The following CNTN6 variants were observed in gnomAD, a reference collection of about 807,000 sequenced individuals.
CNTN6 encodes the protein contactin-6.
Under a neutral mutation model 122.8 loss-of-function variants are expected in CNTN6, and 137 were observed. That is an observed-to-expected ratio of 1.12 (90% CI 0.97 to 1.29). The LOEUF is 1.29. Ranked by LOEUF, CNTN6 falls within the 50% of genes most tolerant of loss-of-function variation. CNTN6 has a pLI of 0.00. For synonymous variants in CNTN6, 570 were observed against 426.0 expected, an observed-to-expected ratio of 1.34 and a Z score of -4.16; for missense variants, 1,634 against 1,223.4, an observed-to-expected ratio of 1.34 and a Z score of -5.01.
At chr3:1,315,647 C>G (rs1425849781) in intron 7 of CNTN6, among the ~76,000 whole-genome samples, 1 of 151,964 alleles carries the variant, frequency 6.6e-6, no homozygotes, top group South Asian at 2.1e-4. Flanking sequence ...TATACCATTT[C>G]CTTCAGTTTG....
At chr3:1,259,214 T>C (rs1164347042) in intron 4 of CNTN6, among the ~76,000 whole-genome samples, 1 of 152,098 alleles carries the variant, frequency 6.6e-6, no homozygotes, top group African/African-American at 2.4e-5. Context: ...AACTAAAGTG[T>C]GGGTACTATT....
At chr3:1,332,896 A>T (rs989474803) in intron 11 of CNTN6, among the ~76,000 whole-genome samples, 11 of 152,138 alleles carry the variant, frequency 7.2e-5, no homozygotes, top group Admixed American at 4.6e-4. Flanking sequence ...AAGAGTATTG[A>T]CAGAACAGAT....
chr3:1,095,437 CT>C (rs1261917581), intron 1 of CNTN6, among the ~76,000 whole-genome samples: 2 of 152,158 alleles, frequency 1.3e-5, no homozygotes, highest in Admixed American at 1.3e-4. Flanking sequence ...CGCCATTGCC[CT>C]CCAGCCTGGG....
intron 2 of CNTN6, among the ~76,000 whole-genome samples, chr3:1,158,682 C>A (rs1475671174): frequency 1.3e-5 from 2 of 150,514 alleles, no homozygotes; most frequent in East Asian, 3.9e-4. Context: ...GAACTATCTT[C>A]CCACCTCCAC....
chr3:1,151,506 G>C (rs2092841928), intron 2 of CNTN6, among the ~76,000 whole-genome samples: 1 of 152,052 alleles, frequency 6.6e-6, no homozygotes, highest in Non-Finnish European at 1.5e-5. Flanking sequence ...AATTTCATCT[G>C]GTTTATGCTT....
chr3:1,104,438 C>T (rs1185058983), intron 1 of CNTN6, among the ~76,000 whole-genome samples: 1 of 152,076 alleles, frequency 6.6e-6, no homozygotes, highest in Non-Finnish European at 1.5e-5. Context: ...ATTTCCTAAT[C>T]ACAGACCCAA....
At chr3:1,213,255 A>G (rs1196458255) in intron 2 of CNTN6, among the ~76,000 whole-genome samples, 2 of 152,216 alleles carry the variant, frequency 1.3e-5, no homozygotes, top group African/African-American at 4.8e-5. Flanking sequence ...CAAATGAATT[A>G]GCATTTGTTG....
chr3:1,310,192 TTTCCGC>T (rs1699013686), intron 7 of CNTN6, among the ~76,000 whole-genome samples: 1 of 152,160 alleles, frequency 6.6e-6, no homozygotes, highest in Non-Finnish European at 1.5e-5. Flanking sequence ...TGCTTGCCTT[TTTCCGC>T]TATCCAAAAT....
At chr3:1,298,570 A>C (rs1696675724) in intron 7 of CNTN6, among the ~76,000 whole-genome samples, 1 of 152,160 alleles carries the variant, frequency 6.6e-6, no homozygotes, top group African/African-American at 2.4e-5. Context: ...AGCCAGGAAA[A>C]TACCTACATT....
At chr3:1,293,425 C>G (rs941659145) in intron 5 of CNTN6, among the ~76,000 whole-genome samples, 1 of 152,020 alleles carries the variant, frequency 6.6e-6, no homozygotes, top group Non-Finnish European at 1.5e-5. Flanking sequence ...AAATAGCTGT[C>G]AGTTTGTTTT....
chr3:1,301,550 C>T (rs1007552920), intron 7 of CNTN6, among the ~76,000 whole-genome samples: 1 of 152,096 alleles, frequency 6.6e-6, no homozygotes, highest in African/African-American at 2.4e-5. Flanking sequence ...ATATAAATTA[C>T]CAAACCATAC....
At chr3:1,099,223 G>A (rs1018020557) in intron 1 of CNTN6, among the ~76,000 whole-genome samples, 33 of 152,126 alleles carry the variant, frequency 2.2e-4, no homozygotes, top group African/African-American at 3.9e-4. Context: ...AGGCCGAGGC[G>A]GGCGGATCAC....
chr3:1,103,101 G>A (rs909773030), intron 1 of CNTN6, among the ~76,000 whole-genome samples: 14 of 152,094 alleles, frequency 9.2e-5, no homozygotes, highest in African/African-American at 2.6e-4. Context: ...GCCAGACTCC[G>A]TCTCAAAAAA....
At chr3:1,389,639 GACCCATCAGTGTGCTGTATTCAGGAA>G (rs1316518264) in intron 20 of CNTN6, among the ~76,000 whole-genome samples, 2 of 149,490 alleles carry the variant, frequency 1.3e-5, no homozygotes, top group African/African-American at 4.8e-5. Context: ...AAACAGTCAA[GACCCATCAGTGTGCTGTATTCAGGAA>G]ACCCATCTCA....
intron 4 of CNTN6, among the ~76,000 whole-genome samples, chr3:1,274,419 A>T (rs78164489): frequency 0.014 from 2,092 of 152,316 alleles, 38 homozygotes; most frequent in African/African-American, 0.045. Flanking sequence ...CTGCTGATTG[A>T]GAGCAGGTGG....
intron 4 of CNTN6, among the ~76,000 whole-genome samples, chr3:1,270,033 G>C (rs1367567217): frequency 6.6e-6 from 1 of 152,096 alleles, no homozygotes; most frequent in African/African-American, 2.4e-5. Flanking sequence ...TTTAGCTATT[G>C]CCTCTTTTAC....
rs559798804 is a variant in CNTN6 at position 1,099,320 on chromosome 3, G to A, written c.-83+6200G>A. Reference sequence around the variant, plus strand: ...CAAAAAATTAGCAGGGTGTGGTGGCGGGCGCCTGTAGTCCCAGCTACTGGG... The same window carrying A: ...CAAAAAATTAGCAGGGTGTGGTGGCAGGCGCCTGTAGTCCCAGCTACTGGG... On this transcript the variant is annotated intron_variant, in intron 1 of 22. Transcript: ENST00000446702. Among the ~76,000 whole-genome samples the A allele has an allele frequency of 1.1e-3, 162 of 143,116 alleles. 1 individual carries two copies. Among genetic ancestry groups the A allele is most frequent in the African/African-American group, 3.2e-3 (122 of 38,698 alleles). The allele number at this position is 143,116 out of a possible 152,430, so 93.9% of individuals were successfully genotyped here. A position where few individuals can be genotyped will look rare whatever the true frequency, so the allele number is the denominator to read the frequency against.
intron 1 of CNTN6, among the ~76,000 whole-genome samples, chr3:1,102,725 C>A (rs1343725560): frequency 4.0e-5 from 6 of 149,380 alleles, no homozygotes; most frequent in Admixed American, 1.3e-4. Flanking sequence ...GAGACTCCGT[C>A]TCAAAAAATA....
At chr3:1,319,262 C>G (rs1366661220) in intron 7 of CNTN6, among the ~76,000 whole-genome samples, 2 of 151,664 alleles carry the variant, frequency 1.3e-5, no homozygotes, top group African/African-American at 4.8e-5. Flanking sequence ...AACACAACAG[C>G]TGTGAAGTCA....
Sources: gnomAD v4.1 joint callset for allele counts (sites outside exome capture counted in the v4.1 genomes callset) on GRCh38, gnomAD v4.1.1 for gene constraint, MANE v1.5 for transcripts, NCBI Gene and HGNC (gene_info 2026-07-23, HGNC 2026-07-21) for gene names.